CARHSP1: variants seen among roughly 807,000 people sequenced by gnomAD.
CARHSP1 encodes the protein calcium regulated heat stable protein 1.
Under a neutral mutation model 12.5 loss-of-function variants are expected in CARHSP1, and 14 were observed. The observed-to-expected ratio is 1.12, with a 90% CI of 0.74 to 1.75. The LOEUF is 1.75. Among genes scored for constraint, CARHSP1 ranks in the 40% most tolerant of loss-of-function variants. The pLI, the probability that CARHSP1 is intolerant of heterozygous loss-of-function variation, is 0.00. For synonymous variants in CARHSP1, 161 were observed against 82.0 expected (o/e 1.96, Z -5.20); for missense variants, 343 against 201.6 (o/e 1.70, Z -4.25).
At chr16:8,861,474 C>A (rs751564475) in intron 1 of CARHSP1, among the ~76,000 whole-genome samples, 5 of 151,926 alleles carry the variant, frequency 3.3e-5, no homozygotes, top group Admixed American at 3.3e-4. Context: ...AAAATCCCAC[C>A]GCACCCCCCG....
rs1235982347 is a variant in CARHSP1 at position 8,853,316 on chromosome 16, CA to C, written c.*1847del. The C allele has an allele frequency of 6.8e-6, 1 of 146,552 alleles. No homozygotes were observed. Among genetic ancestry groups the C allele is most frequent in the Non-Finnish European group, 1.5e-5 (1 of 67,050 alleles). 9.1% of individuals were successfully genotyped at this position (146,552 alleles called of 1,614,324 possible). A position where few individuals can be genotyped will look rare whatever the true frequency, so the allele number is the denominator to read the frequency against. On this transcript the variant is annotated 3_prime_UTR_variant, in exon 4 of 4. Coordinates refer to ENST00000311052, the MANE Select transcript of CARHSP1 (RefSeq NM_014316.4). ...AGCAGATGGGCCCTTGGGAAGCCAA[CA>C]GGGAACAATTCAAGGCTGGAGAGAA...
intron 1 of CARHSP1, chr16:8,861,576 A>G (rs2141114366): frequency 6.3e-6 from 8 of 1,266,004 alleles, no homozygotes; most frequent in Non-Finnish European, 8.3e-6. Context: ...ACCCCTCCCC[A>G]GACATTGCTG....
chr16:8,857,426 G>A (rs1267162217), intron 3 of CARHSP1: 1 of 145,272 alleles, frequency 6.9e-6, no homozygotes, highest in Non-Finnish European at 1.5e-5. Flanking sequence ...GGGATTACAG[G>A]CACCCGCCAT....
At chr16:8,857,518 C>T (rs1461161828) in intron 3 of CARHSP1, 2 of 143,860 alleles carry the variant, frequency 1.4e-5, no homozygotes, top group Non-Finnish European at 3.0e-5. Flanking sequence ...TCTTGAAGTC[C>T]TGACCTCAGG....
Position 8,860,353 on chromosome 16 carries a change from G to A in CARHSP1, c.-7-1018C>T, listed in dbSNP as rs139572459. 7.0e-3 allele frequency: 6,870 copies of A among 985,404 alleles called. 13 individuals are homozygous for A. Among genetic ancestry groups the A allele is most frequent in the Non-Finnish European group, 7.6e-3 (6,317 of 829,930 alleles). The allele number at this position is 985,404 out of a possible 1,614,324, so 61.0% of individuals were successfully genotyped here. A position where few individuals can be genotyped will look rare whatever the true frequency, so the allele number is the denominator to read the frequency against. ...CCTTCTGTGACCCCTAGTATGTACC[G>A]GTAAATCCAGCTGGAGGGCGGGAAT... On this transcript the variant is annotated intron_variant, in intron 1 of 3. Transcript: ENST00000311052.
intron 1 of CARHSP1, chr16:8,861,840 C>T: frequency 8.4e-7 from 1 of 1,193,618 alleles, no homozygotes; most frequent in Non-Finnish European, 1.1e-6. Flanking sequence ...AGGAAAGAGG[C>T]TGGCCCTGGG....
At chr16:8,857,277 T>TTTTTTTG (rs2061159034) in intron 3 of CARHSP1, among the ~76,000 whole-genome samples, 1 of 65,906 alleles carries the variant, frequency 1.5e-5, no homozygotes, top group Admixed American at 1.9e-4. Flanking sequence ...TTTTTTTTTT[T>TTTTTTTG]TTTTTTTTTT....
intron 1 of CARHSP1, among the ~76,000 whole-genome samples, chr16:8,863,879 G>A (rs1202366905): frequency 3.3e-5 from 5 of 152,088 alleles, no homozygotes; most frequent in African/African-American, 9.7e-5. Flanking sequence ...CAGCAGCCCC[G>A]CCCACCAGCA....
At chr16:8,866,364 G>T in intron 1 of CARHSP1, 1 of 856,308 alleles carries the variant, frequency 1.2e-6, no homozygotes, top group Non-Finnish European at 1.4e-6. Flanking sequence ...CAGTGCAGGA[G>T]GTGGAAGGGA....
chr16:8,863,037 G>A (rs1169872632), intron 1 of CARHSP1, among the ~76,000 whole-genome samples: 1 of 150,896 alleles, frequency 6.6e-6, no homozygotes, highest in South Asian at 2.1e-4. Context: ...GGGCCCCTCT[G>A]TGTCCCAAGG....
Position 8,855,315 on chromosome 16 carries a change from T to G in CARHSP1, c.293A>C (p.Glu98Ala). ...CTCGTCGCCTTCCACTGGGACATAC[T>G]CCCCTTCCACACTACGGGGGCATAA... ...IFLHISDVEG[E>A]YVPVEGDEVT... Residue 98 changes from glutamate (E) to alanine (A), a missense_variant, in exon 4 of 4, where the codon GAG becomes GCG. By Grantham distance (107) the Glu-to-Ala change is moderately radical. Transcript: ENST00000311052. The G allele has an allele frequency of 5.0e-6, 8 of 1,601,932 alleles. No homozygotes were observed. Among genetic ancestry groups the G allele is most frequent in the Non-Finnish European group, 6.8e-6 (8 of 1,172,796 alleles).
At chr16:8,864,434 C>T (rs994862276) in intron 1 of CARHSP1, among the ~76,000 whole-genome samples, 3 of 152,184 alleles carry the variant, frequency 2.0e-5, no homozygotes, top group Admixed American at 6.5e-5. Flanking sequence ...CAGCAGTGTC[C>T]TGGGGCCATT....
intron 1 of CARHSP1, chr16:8,860,352 C>G: frequency 1.0e-6 from 1 of 985,420 alleles, no homozygotes. Flanking sequence ...TAGTATGTAC[C>G]GGTAAATCCA....
intron 1 of CARHSP1, chr16:8,861,615 G>C (rs972957206): frequency 3.1e-6 from 4 of 1,288,876 alleles, no homozygotes. Context: ...CAGTTCTGTC[G>C]GGCTGGGAAG....
intron 1 of CARHSP1, among the ~76,000 whole-genome samples, chr16:8,863,359 C>T (rs370732894): frequency 6.6e-6 from 1 of 152,132 alleles, no homozygotes; most frequent in East Asian, 1.9e-4. Flanking sequence ...GCGATCGGCG[C>T]ACCTTGGCTT....
At chr16:8,867,810 G>A (rs754520799) in intron 1 of CARHSP1, 6 of 152,424 alleles carry the variant, frequency 3.9e-5, no homozygotes, top group Non-Finnish European at 8.8e-5. Context: ...GGAGAACAGA[G>A]GCAGAGAGAG....
At chr16:8,857,111 A>C (rs1047989623) in intron 3 of CARHSP1, among the ~76,000 whole-genome samples, 2 of 152,064 alleles carry the variant, frequency 1.3e-5, no homozygotes, top group Non-Finnish European at 2.9e-5. Flanking sequence ...CCTTGGCCAG[A>C]TATAATGGGC....
chr16:8,853,795 A>G lies in CARHSP1; in HGVS notation c.*1369T>C, dbSNP rs1210014528. The G allele has an allele frequency of 1.3e-5, 2 of 152,180 alleles. No homozygotes were observed. The highest frequency in any genetic ancestry group is 2.9e-5 in the Non-Finnish European group (2 of 68,040). The allele number at this position is 152,180 out of a possible 1,614,324, so 9.4% of individuals were successfully genotyped here. ...TTGTTTACCAGAAATACCTACAAAA[A>G]AGTTTGCAGGCCGGGCGCGATGGCT... On this transcript the variant is annotated 3_prime_UTR_variant, in exon 4 of 4. Transcript: ENST00000311052.
intron 3 of CARHSP1, 62 bp downstream of exon 3, chr16:8,858,288 C>A: frequency 1.3e-6 from 2 of 1,581,814 alleles, no homozygotes; most frequent in Non-Finnish European, 1.7e-6. Context: ...ACCATCCCCA[C>A]CTCCACAGGG....
Sources: gnomAD v4.1 joint callset for allele counts (sites outside exome capture counted in the v4.1 genomes callset) on GRCh38, gnomAD v4.1.1 for gene constraint, MANE v1.5 for transcripts, NCBI Gene and HGNC (gene_info 2026-07-23, HGNC 2026-07-21) for gene names.